DNAH7: variants seen among roughly 807,000 people sequenced by gnomAD.
DNAH7 encodes the protein axonemal beta dynein heavy chain 7.
DNAH7 carries 397 observed loss-of-function variants against 444.6 expected under a neutral mutation model. That is an observed-to-expected ratio of 0.89 (90% CI 0.82 to 0.97). The LOEUF is 0.97. Ranked by LOEUF, DNAH7 falls within the 50% of genes least tolerant of loss-of-function variation. The pLI, the probability that DNAH7 is intolerant of heterozygous loss-of-function variation, is 0.00. For synonymous variants in DNAH7, 1,636 were observed against 1,624.4 expected, an observed-to-expected ratio of 1.01 and a Z score of -0.17; for missense variants, 4,902 against 4,800.8, an observed-to-expected ratio of 1.02 and a Z score of -0.62.
Position 195,864,604 on chromosome 2 carries a change from TGACAGA to T in DNAH7, c.7045_7050del (p.Ser2349_Val2350del), listed in dbSNP as rs764007271. 1.3e-5 allele frequency: 21 copies of T among 1,614,180 alleles called. No individual in the cohort carries two copies. The South Asian group carries it at 2.0e-4, about 15-fold the overall frequency. On this transcript the variant is annotated inframe_deletion, in exon 41 of 65. Transcript: ENST00000312428. ...TCAGCCATGTGGGCAGCTAATCTGG[TGACAGA>T]CTGCCTTCCACTCCCTCCAACCCCT... is the stretch of plus-strand genomic sequence containing the variant.
At chr2:196,020,612 GTTTT>G (rs201513142) in intron 8 of DNAH7, among the ~76,000 whole-genome samples, 1 of 133,670 alleles carries the variant, frequency 7.5e-6, no homozygotes, top group Non-Finnish European at 1.6e-5. Context: ...TGGGGCTTTT[GTTTT>G]TTTTTTTTTT....
chr2:195,822,204 AT>A (rs1246633728), intron 49 of DNAH7, among the ~76,000 whole-genome samples: 1 of 152,194 alleles, frequency 6.6e-6, no homozygotes, highest in Non-Finnish European at 1.5e-5. Flanking sequence ...TATTTTCCCT[AT>A]TGGCATGAGA....
chr2:196,000,874 T>C lies in DNAH7; in HGVS notation c.1183A>G (p.Arg395Gly). The C allele has an allele frequency of 1.3e-6, 2 of 1,569,692 alleles. No individual in the cohort carries two copies. Among genetic ancestry groups the C allele is most frequent in the Non-Finnish European group, 1.7e-6 (2 of 1,163,300 alleles). The change falls in exon 12 of 65, where the codon AGA becomes GGA. Residue 395 changes from arginine (R) to glycine (G), a missense_variant. Physicochemically the swap from Arg to Gly is moderately radical, Grantham distance 125 (BLOSUM62 -2). Transcript: ENST00000312428. Reference protein sequence around the residue: ...DLIAQPPDSVRAFEHPGFIMR... With the variant: ...DLIAQPPDSVGAFEHPGFIMR... The stretch of plus-strand genomic sequence containing the variant: ...ATGAAACCTGGATGTTCAAAAGCTC[T>C]AACAGAATCCTGCAAAAAATTAAAA...
At chr2:195,771,612 T>C in intron 61 of DNAH7, 48 bp downstream of exon 61, 1 of 1,333,122 alleles carries the variant, frequency 7.5e-7, no homozygotes, top group Non-Finnish European at 1.1e-6. Flanking sequence ...AATAAATGAA[T>C]GCTATATATA....
At chr2:195,798,798 G>C (rs113191538) in intron 55 of DNAH7, among the ~76,000 whole-genome samples, 3 of 151,764 alleles carry the variant, frequency 2.0e-5, no homozygotes. Flanking sequence ...TGCCCGCCTC[G>C]GCCTCCCAAA....
In DNAH7 at chr2:196,051,224, A is replaced by C; in HGVS notation, c.104T>G (p.Phe35Cys). The C allele has an allele frequency of 6.2e-7, 1 of 1,613,964 alleles. No individual in the cohort carries two copies. Residue 35 changes from phenylalanine to cysteine, a missense_variant, in exon 3 of 65, where the codon TTC becomes TGC. By Grantham distance (205) the Phe-to-Cys change is radical (BLOSUM62 -2). Coordinates refer to ENST00000312428, the MANE Select transcript of DNAH7 (RefSeq NM_018897.3). ...SMEKLASKEK[F>C]KAPARALPQL... The stretch of plus-strand genomic sequence containing the variant: ...TGGTAAAGCTCTTGCTGGTGCCTTG[A>C]ACTTTTCTTTGCTGGCTAATTTCTC...
intron 19 of DNAH7, among the ~76,000 whole-genome samples, chr2:195,943,152 G>A (rs1480653840): frequency 6.6e-6 from 1 of 152,112 alleles, no homozygotes; most frequent in Non-Finnish European, 1.5e-5. Context: ...GGCCTCCCCA[G>A]CCATGTGGAA....
chr2:195,766,277 G>A (rs547774004), intron 61 of DNAH7, among the ~76,000 whole-genome samples: 8 of 147,648 alleles, frequency 5.4e-5, no homozygotes, highest in South Asian at 2.2e-4. Context: ...TGGTTCAAGC[G>A]ATCCGCCTGC....
intron 63 of DNAH7, among the ~76,000 whole-genome samples, chr2:195,754,049 A>G (rs887588973): frequency 4.6e-5 from 7 of 152,110 alleles, no homozygotes; most frequent in African/African-American, 1.7e-4. Context: ...TAACTTACAA[A>G]ATTTTGCAAA....
rs762632547 is a variant in DNAH7 at position 195,960,866 on chromosome 2, C to G, written c.2285G>C (p.Gly762Ala). ...ATAAAGACGAAGATAAGGGTTCAAGCCATCTTGGATTTTTTTACGTTGAGG... is the reference window on the plus strand; with the variant it reads ...ATAAAGACGAAGATAAGGGTTCAAGGCATCTTGGATTTTTTTACGTTGAGG... ...VYPQRKKIQDGLNPYLRLYET... is the reference protein window; with the variant it reads ...VYPQRKKIQDALNPYLRLYET... Residue 762 changes from glycine to alanine, a missense_variant, in exon 18 of 65, where the codon GGC (glycine) becomes GCC (alanine). Gly to Ala is a moderately conservative substitution (Grantham distance 60). Transcript: ENST00000312428. The G allele has an allele frequency of 1.9e-6, 3 of 1,613,968 alleles. No individual in the cohort carries two copies. The highest frequency in any genetic ancestry group is 2.5e-6 in the Non-Finnish European group (3 of 1,179,962).
chr2:195,894,689 A>T (rs1439941502), intron 30 of DNAH7: 1 of 216,044 alleles, frequency 4.6e-6, no homozygotes, highest in Non-Finnish European at 9.1e-6. Flanking sequence ...TTGCAGGAAA[A>T]CCTTCAGATT....
At chr2:195,858,879 T>A (rs1186098269) in intron 42 of DNAH7, 75 bp from the exon 43 acceptor site, 1 of 1,304,374 alleles carries the variant, frequency 7.7e-7, no homozygotes, top group Non-Finnish European at 1.1e-6. Context: ...TAAGTGTTTC[T>A]GAGCTTTCTA....
At chr2:195,836,002 G>A (rs1414542534) in intron 47 of DNAH7, among the ~76,000 whole-genome samples, 1 of 152,154 alleles carries the variant, frequency 6.6e-6, no homozygotes, top group Non-Finnish European at 1.5e-5. Context: ...TTTTCTCACA[G>A]TTCTGGACCC....
At chr2:196,042,398 T>C (rs1696826580) in intron 5 of DNAH7, among the ~76,000 whole-genome samples, 1 of 152,048 alleles carries the variant, frequency 6.6e-6, no homozygotes, top group Admixed American at 6.6e-5. Flanking sequence ...AAAATTATTA[T>C]GTACCAATAG....
intron 38 of DNAH7, among the ~76,000 whole-genome samples, chr2:195,874,233 C>G (rs965686040): frequency 2.6e-5 from 4 of 152,098 alleles, no homozygotes; most frequent in Non-Finnish European, 5.9e-5. Context: ...CTGCTTGCAT[C>G]TTTAAAAATT....
intron 21 of DNAH7, among the ~76,000 whole-genome samples, chr2:195,933,160 T>C (rs1244484778): frequency 6.6e-6 from 1 of 152,176 alleles, no homozygotes; most frequent in Non-Finnish European, 1.5e-5. Flanking sequence ...ATGCTCATCA[T>C]CACTGGCCAT....
chr2:195,986,123 C>T (rs779433547), intron 14 of DNAH7, among the ~76,000 whole-genome samples: 74 of 152,200 alleles, frequency 4.9e-4, no homozygotes, highest in Non-Finnish European at 7.1e-4. Context: ...GCAGCCTTCC[C>T]TGATTCTCCC....
chr2:195,850,325 G>A lies in DNAH7; in HGVS notation c.8781+3018C>T, dbSNP rs188628263. Among the ~76,000 whole-genome samples the A allele has an allele frequency of 2.1e-4, 32 of 151,430 alleles. No homozygotes were observed. In the East Asian group the frequency reaches 6.0e-3, roughly 28 times the overall value. On this transcript the variant is annotated intron_variant, in intron 46 of 64. Transcript: ENST00000312428. Reference sequence around the variant, plus strand: ...GGAGAGAGAGAGAGATGGTAGAAGTGGAAAACTGGCCATTAAGAGTGTCAT... The same window carrying A: ...GGAGAGAGAGAGAGATGGTAGAAGTAGAAAACTGGCCATTAAGAGTGTCAT...
intron 45 of DNAH7, among the ~76,000 whole-genome samples, chr2:195,854,525 A>G (rs547079408): frequency 6.6e-6 from 1 of 152,044 alleles, no homozygotes; most frequent in South Asian, 2.1e-4. Flanking sequence ...CCTAAATTTA[A>G]TTTTTTTCCC....
Sources: allele counts gnomAD v4.1 joint callset (sites outside exome capture counted in the v4.1 genomes callset), GRCh38; gene constraint gnomAD v4.1.1; transcripts MANE v1.5; gene names NCBI Gene and HGNC (gene_info 2026-07-23, HGNC 2026-07-21).